CHIC2: variants seen among roughly 807,000 people sequenced by gnomAD.
CHIC2 encodes the protein cysteine rich hydrophobic domain 2, also known as cysteine-rich hydrophobic domain-containing protein 2.
CHIC2 carries 14 observed loss-of-function variants against 25.9 expected under a neutral mutation model. That is an observed-to-expected ratio of 0.54 (90% confidence interval 0.36 to 0.85). The LOEUF is 0.85. Ranked by LOEUF, CHIC2 falls within the 40% of genes least tolerant of loss-of-function variation. CHIC2 has a pLI of 0.01. For synonymous variants in CHIC2, 70 were observed against 72.0 expected (o/e 0.97, Z 0.14); for missense variants, 146 against 202.0 (o/e 0.72, Z 1.68).
At chr4:54,040,529 C>T (rs1435528668) in intron 3 of CHIC2, among the ~76,000 whole-genome samples, 1 of 151,856 alleles carries the variant, frequency 6.6e-6, no homozygotes, top group Non-Finnish European at 1.5e-5. Flanking sequence ...GGTGAAACCC[C>T]GTCTCTACTA....
the CHIC2 span, among the ~76,000 whole-genome samples, chr4:54,074,597 A>AACACAC: frequency 0.011 from 1,553 of 139,700 alleles, 25 homozygotes; most frequent in African/African-American, 0.033. Context: ...ACAACACACA[A>AACACAC]ACACACACAC....
chr4:54,081,498 C>G, the CHIC2 span, among the ~76,000 whole-genome samples: 1 of 152,098 alleles, frequency 6.6e-6, no homozygotes, highest in East Asian at 1.9e-4. Context: ...ATATTCTATT[C>G]TACTTATCTA....
chr4:54,029,636 T>C lies in CHIC2; in HGVS notation c.331-15517A>G, dbSNP rs148202461. Among the ~76,000 whole-genome samples, 1,107 of 152,308 alleles carry C rather than the reference T, an allele frequency of 7.3e-3. 13 individuals are homozygous for C. Among genetic ancestry groups the C allele is most frequent in the African/African-American group, 0.024 (1,000 of 41,576 alleles). On this transcript the variant is annotated intron_variant, in intron 3 of 5. Transcript: ENST00000263921. ...TTCTGCCTTGTTGCAATATCTGTAT[T>C]ATGTTGTTAGAGGTATTTTTCTTTA...
chr4:54,041,332 C>G lies in CHIC2; in HGVS notation c.330+7623G>C, dbSNP rs559432296. 3.0e-4 allele frequency among the ~76,000 whole-genome samples: 45 copies of G among 152,114 alleles called. No individual in the cohort carries two copies. The South Asian group carries it at 8.9e-3, about 30-fold the overall frequency. On this transcript the variant is annotated intron_variant, in intron 3 of 5. Transcript: ENST00000263921. ...CATCACAAGAAAGAAAACAGAAGTT[C>G]ACAGGCTGGCAATTTTTTATACTCA...
At chr4:54,012,708 T>C (rs887599774) in intron 5 of CHIC2, among the ~76,000 whole-genome samples, 1 of 152,152 alleles carries the variant, frequency 6.6e-6, no homozygotes, top group Non-Finnish European at 1.5e-5. Context: ...TGTGTTATGA[T>C]TATAAAGAAG....
chr4:54,010,289 A>C (rs112115360), intron 5 of CHIC2, 144 bp from the exon 6 acceptor site: 7 of 593,410 alleles, frequency 1.2e-5, no homozygotes, highest in African/African-American at 9.5e-5. Context: ...TCTTTATCTG[A>C]TAATGCAGAG....
chr4:54,026,714 C>T (rs924579445), intron 3 of CHIC2, among the ~76,000 whole-genome samples: 2 of 152,016 alleles, frequency 1.3e-5, no homozygotes, highest in Non-Finnish European at 2.9e-5. Context: ...GTATGCCAAA[C>T]TCTGACAGTT....
At chr4:54,079,589 T>C in the CHIC2 span, among the ~76,000 whole-genome samples, 1 of 152,098 alleles carries the variant, frequency 6.6e-6, no homozygotes, top group South Asian at 2.1e-4. Context: ...AAAAACCTGA[T>C]TTAAAGATAG....
At chr4:54,064,707 G>T (rs1052359856), upstream of CHIC2, 2 of 983,874 alleles carry the variant, frequency 2.0e-6, no homozygotes, top group East Asian at 7.4e-5. The surrounding 1 kb of genome is among the most constrained non-coding windows in gnomAD (Gnocchi z 4.2). Flanking sequence ...GCGCGTGGGC[G>T]AGCGGACTGG....
At chr4:54,036,462 G>A (rs1716386626) in intron 3 of CHIC2, among the ~76,000 whole-genome samples, 1 of 152,188 alleles carries the variant, frequency 6.6e-6, no homozygotes, top group Non-Finnish European at 1.5e-5. Context: ...TCATATGGCA[G>A]AGCAGGAGCA....
intron 3 of CHIC2, among the ~76,000 whole-genome samples, chr4:54,024,987 C>G (rs1033927799): frequency 1.3e-5 from 2 of 152,102 alleles, no homozygotes; most frequent in Non-Finnish European, 2.9e-5. Flanking sequence ...GCCCCTAATC[C>G]CGTTCAAAGC....
the CHIC2 span, among the ~76,000 whole-genome samples, chr4:54,088,645 C>G: frequency 6.6e-6 from 1 of 152,086 alleles, no homozygotes; most frequent in African/African-American, 2.4e-5. Context: ...CATGGAGGGC[C>G]TTTTGTTCTT....
intron 1 of CHIC2, among the ~76,000 whole-genome samples, chr4:54,050,510 T>C (rs1716972055): frequency 6.6e-6 from 1 of 152,034 alleles, no homozygotes; most frequent in South Asian, 2.1e-4. Flanking sequence ...CCTCCTTATA[T>C]CTTATCTTAA....
At chr4:54,042,552 G>GT (rs1716610653) in intron 3 of CHIC2, among the ~76,000 whole-genome samples, 1 of 152,058 alleles carries the variant, frequency 6.6e-6, no homozygotes, top group African/African-American at 2.4e-5. Flanking sequence ...GATCTCAAAG[G>GT]TATCTACAGT....
Position 54,064,377 on chromosome 4 carries a change from G to T in CHIC2, c.-77C>A. On this transcript the variant is annotated 5_prime_UTR_variant, in exon 1 of 6. Coordinates refer to ENST00000263921, the MANE Select transcript of CHIC2 (RefSeq NM_012110.4). This position sits in a 1 kb window ranked among gnomAD's most constrained non-coding sequence, Gnocchi z 4.2. ...CCGGGGTACCGGCGGGCGAGGCGGC[G>T]GAGGCTGAGGGGAGTCGCCGCTGCC... 6.3e-7 allele frequency: 1 copy of T among 1,579,890 alleles called. No homozygotes were observed. The highest frequency in any genetic ancestry group is 8.6e-7 in the Non-Finnish European group (1 of 1,164,322).
At chr4:54,043,531 C>G (rs188744898) in intron 3 of CHIC2, among the ~76,000 whole-genome samples, 2,480 of 151,794 alleles carry the variant, frequency 0.016, 59 homozygotes, top group African/African-American at 0.057. Flanking sequence ...TTTCAACCCA[C>G]AATTTCATAT....
chr4:54,032,471 T>G (rs7691237), intron 3 of CHIC2, among the ~76,000 whole-genome samples: 8,914 of 152,148 alleles, frequency 0.059, 871 homozygotes, highest in African/African-American at 0.2. Context: ...TTTCGCTGTG[T>G]TGGCCGGGCC....
chr4:54,083,633 AC>A, the CHIC2 span, among the ~76,000 whole-genome samples: 1 of 152,088 alleles, frequency 6.6e-6, no homozygotes, highest in Non-Finnish European at 1.5e-5. Context: ...CATTGGTGCT[AC>A]CTTCCAAATT....
chr4:54,013,152 CT>C (rs1715641451), intron 5 of CHIC2, among the ~76,000 whole-genome samples: 1 of 151,992 alleles, frequency 6.6e-6, no homozygotes, highest in Non-Finnish European at 1.5e-5. Flanking sequence ...AATTAAAATT[CT>C]TAATTTTCTA....
Sources: gnomAD v4.1 joint callset for allele counts (sites outside exome capture counted in the v4.1 genomes callset) on GRCh38, gnomAD v4.1.1 for gene constraint, Gnocchi (gnomAD v3.1) non-coding constraint, MANE v1.5 for transcripts, NCBI Gene and HGNC (gene_info 2026-07-23, HGNC 2026-07-21) for gene names.